Variants in PTPRD observed in about 807,000 individuals in gnomAD.
PTPRD encodes the protein protein tyrosine phosphatase receptor type D.
Under a neutral mutation model 214.5 loss-of-function variants are expected in PTPRD, and 34 were observed. The ratio of observed to expected loss-of-function variants is 0.16; its 90% CI spans 0.12 to 0.21. PTPRD has a LOEUF of 0.21. Among genes scored for constraint, PTPRD ranks in the 10% least tolerant of loss-of-function variants. The pLI is 1.00. For missense variants in PTPRD, 2,545 were observed against 2,398.7 expected (o/e 1.06, Z -1.27); for synonymous variants, 1,128 against 845.7 (o/e 1.33, Z -5.79).
chr9:10,298,539 C>T (rs1004848672), intron 3 of PTPRD, among the ~76,000 whole-genome samples: 4 of 152,078 alleles, frequency 2.6e-5, no homozygotes, highest in Non-Finnish European at 5.9e-5. Flanking sequence ...ATACTTTTCA[C>T]TTAATTGCCA....
intron 5 of PTPRD, among the ~76,000 whole-genome samples, chr9:9,891,214 G>A (rs1441064803): frequency 2.0e-5 from 3 of 152,092 alleles, no homozygotes; most frequent in South Asian, 2.1e-4. Flanking sequence ...ATCCAACTCA[G>A]ATTTAACTTT....
At chr9:9,647,869 C>T (rs1033290099) in intron 7 of PTPRD, among the ~76,000 whole-genome samples, 3 of 152,136 alleles carry the variant, frequency 2.0e-5, no homozygotes, top group Non-Finnish European at 4.4e-5. Context: ...TTCTCAAAAC[C>T]CTAAGATCAA....
At chr9:9,690,393 G>A (rs1482605515) in intron 7 of PTPRD, among the ~76,000 whole-genome samples, 1 of 151,900 alleles carries the variant, frequency 6.6e-6, no homozygotes, top group Non-Finnish European at 1.5e-5. Flanking sequence ...TTCCTTGTCA[G>A]ATGGACAGAT....
At chr9:9,912,511 A>G (rs2079487474) in intron 5 of PTPRD, among the ~76,000 whole-genome samples, 1 of 152,186 alleles carries the variant, frequency 6.6e-6, no homozygotes, top group Admixed American at 6.5e-5. Flanking sequence ...ACACTCCTCA[A>G]TAGCACATGT....
rs149534858 is a variant in PTPRD at position 8,440,775 on chromosome 9, T to C, written c.3989-4086A>G. Among the ~76,000 whole-genome samples, 101 of 152,242 alleles carry C rather than the reference T, an allele frequency of 6.6e-4. 2 individuals carry two copies. The East Asian group carries it at 0.016, about 24-fold the overall frequency. Reference sequence around the variant, plus strand: ...AGATGGCTCCCTTTAATAGGGTACATATTGGTGAGACTGATGTCACGGTGA... The same window carrying C: ...AGATGGCTCCCTTTAATAGGGTACACATTGGTGAGACTGATGTCACGGTGA... On this transcript the variant is annotated intron_variant, in intron 34 of 45. Transcript: ENST00000381196.
chr9:9,517,927 T>A (rs1180254128), intron 8 of PTPRD, among the ~76,000 whole-genome samples: 1 of 151,494 alleles, frequency 6.6e-6, no homozygotes, highest in South Asian at 2.1e-4. Context: ...ACCTGTGTTG[T>A]ATATGCAGAA....
chr9:9,308,769 G>A (rs982575030), intron 9 of PTPRD, among the ~76,000 whole-genome samples: 7 of 152,078 alleles, frequency 4.6e-5, no homozygotes, highest in Admixed American at 4.6e-4. Context: ...AAAACATAAT[G>A]TATTCTACAG....
At chr9:9,486,492 C>T (rs113416355) in intron 8 of PTPRD, among the ~76,000 whole-genome samples, 9 of 152,226 alleles carry the variant, frequency 5.9e-5, no homozygotes, top group African/African-American at 2.2e-4. Flanking sequence ...TAGTTTTAGA[C>T]ACATACACTC....
chr9:8,730,046 G>C (rs1183311836), intron 12 of PTPRD, among the ~76,000 whole-genome samples: 2 of 152,074 alleles, frequency 1.3e-5, no homozygotes, highest in African/African-American at 4.8e-5. Context: ...CACGAGGTGA[G>C]GAGATCAAGA....
chr9:10,476,907 T>C (rs796325339), intron 2 of PTPRD, among the ~76,000 whole-genome samples: 46 of 152,294 alleles, frequency 3.0e-4, no homozygotes, highest in African/African-American at 1.1e-3. Flanking sequence ...ATTTAATAAA[T>C]GGTGCTGTAA....
chr9:9,903,487 C>T (rs1411111633), intron 5 of PTPRD, among the ~76,000 whole-genome samples: 1 of 152,010 alleles, frequency 6.6e-6, no homozygotes, highest in Non-Finnish European at 1.5e-5. Context: ...AGATCAGGTA[C>T]CCAATAAATA....
At chr9:9,024,352 G>GT (rs397944358) in intron 10 of PTPRD, among the ~76,000 whole-genome samples, 60,495 of 139,596 alleles carry the variant, frequency 0.43, 13,563 homozygotes, top group East Asian at 0.62. Context: ...TTTTTTGTTT[G>GT]TTTTTTTTTT....
intron 36 of PTPRD, among the ~76,000 whole-genome samples, chr9:8,395,921 T>C (rs923409285): frequency 5.3e-5 from 8 of 152,084 alleles, no homozygotes; most frequent in Non-Finnish European, 7.4e-5. Context: ...GCGTGCTTTT[T>C]GGTTAGACAG....
chr9:9,231,225 C>T (rs1203453488), intron 9 of PTPRD, among the ~76,000 whole-genome samples: 1 of 152,128 alleles, frequency 6.6e-6, no homozygotes, highest in African/African-American at 2.4e-5. Flanking sequence ...ACTTAAAAAA[C>T]AGACACAGAA....
intron 14 of PTPRD, among the ~76,000 whole-genome samples, chr9:8,531,021 G>C (rs2075555255): frequency 1.3e-5 from 2 of 152,082 alleles, no homozygotes; most frequent in South Asian, 4.1e-4. Flanking sequence ...CAGGTAGTTA[G>C]GGCCGGGTAC....
At chr9:8,795,996 G>A (rs1472714937) in intron 11 of PTPRD, among the ~76,000 whole-genome samples, 3 of 152,152 alleles carry the variant, frequency 2.0e-5, no homozygotes, top group African/African-American at 4.8e-5. Context: ...AAACACTTCT[G>A]AAGAAATTAA....
intron 5 of PTPRD, among the ~76,000 whole-genome samples, chr9:9,781,176 T>C (rs1424568649): frequency 6.6e-6 from 1 of 152,128 alleles, no homozygotes; most frequent in Non-Finnish European, 1.5e-5. Context: ...ATGTAAGCTA[T>C]GGAATTCAGT....
chr9:9,994,512 A>G (rs1346379383), intron 4 of PTPRD, among the ~76,000 whole-genome samples: 1 of 152,112 alleles, frequency 6.6e-6, no homozygotes, highest in East Asian at 1.9e-4. Flanking sequence ...ATGCCCAATA[A>G]ATGACTGTTT....
chr9:10,466,911 C>G (rs2098998440), intron 2 of PTPRD, among the ~76,000 whole-genome samples: 1 of 152,116 alleles, frequency 6.6e-6, no homozygotes, highest in Non-Finnish European at 1.5e-5. Context: ...AACTTGCCAC[C>G]AAGCAGGTGT....
Sources: allele counts gnomAD v4.1 joint callset (sites outside exome capture counted in the v4.1 genomes callset), GRCh38; gene constraint gnomAD v4.1.1; transcripts MANE v1.5; gene names NCBI Gene and HGNC (gene_info 2026-07-23, HGNC 2026-07-21).